CCAT2: variants seen among roughly 807,000 people sequenced by gnomAD.
The protein encoded by CCAT2 is colon cancer associated transcript 2.
chr8:127,401,528 T>C (rs747466826), exon 1 of CCAT2: 9 of 152,248 alleles, frequency 5.9e-5, no homozygotes, highest in East Asian at 1.9e-4. Context: ...CAGGCTGTAA[T>C]ACCAGTTTGG....
chr8:127,400,789 C>T (rs1404164151), exon 1 of CCAT2: 1 of 152,252 alleles, frequency 6.6e-6, no homozygotes, highest in South Asian at 2.1e-4. Context: ...GCTCTTATTG[C>T]ATGATTCCAC....
At chr8:127,402,109 T>C (rs1272337814) in exon 1 of CCAT2, 1 of 152,212 alleles carries the variant, frequency 6.6e-6, no homozygotes, top group Non-Finnish European at 1.5e-5. Flanking sequence ...TCCCCTGTTC[T>C]ACTCTGGGAA....
At chr8:127,401,091 G>A (rs528595667) in exon 1 of CCAT2, 9 of 152,210 alleles carry the variant, frequency 5.9e-5, no homozygotes, top group African/African-American at 2.2e-4. Flanking sequence ...ATTTTTATGT[G>A]CTATTGACTT....
chr8:127,401,718 A>G (rs1259837386), exon 1 of CCAT2: 1 of 152,242 alleles, frequency 6.6e-6, no homozygotes, highest in Non-Finnish European at 1.5e-5. Context: ...CTATTAGACT[A>G]AAGAGCCATA....
chr8:127,401,224 C>T (rs1814935072), exon 1 of CCAT2: 1 of 152,204 alleles, frequency 6.6e-6, no homozygotes, highest in African/African-American at 2.4e-5. Context: ...TGTATACAGA[C>T]AGTGCCAGCC....
At chr8:127,401,754 A>G (rs1450095713) in exon 1 of CCAT2, 3 of 152,152 alleles carry the variant, frequency 2.0e-5, no homozygotes, top group Non-Finnish European at 4.4e-5. Context: ...AACATCCATC[A>G]CCAACATTTA....
At chr8:127,400,951 C>G (rs1007475550) in exon 1 of CCAT2, 3 of 152,252 alleles carry the variant, frequency 2.0e-5, no homozygotes, top group African/African-American at 7.2e-5. Context: ...CTCTTCCTAT[C>G]TCAGCTCCCT....
chr8:127,401,388 A>G (rs1319556770), exon 1 of CCAT2: 1 of 152,190 alleles, frequency 6.6e-6, no homozygotes, highest in African/African-American at 2.4e-5. Flanking sequence ...AATAGTTAAT[A>G]AGGGAAGGGT....
exon 1 of CCAT2, chr8:127,400,684 T>A (rs928899842): frequency 1.3e-5 from 2 of 152,194 alleles, no homozygotes; most frequent in African/African-American, 4.8e-5. Context: ...AACTACCTAT[T>A]TGAATTTGGA....
exon 1 of CCAT2, chr8:127,400,902 C>T (rs10808556): frequency 0.51 from 77,857 of 152,086 alleles, 21,523 homozygotes; most frequent in East Asian, 0.64. Context: ...TCCAGCTCCA[C>T]CTCTGACCAA....
exon 1 of CCAT2, chr8:127,401,061 C>A (rs1227571764): frequency 6.6e-6 from 1 of 152,216 alleles, no homozygotes; most frequent in Non-Finnish European, 1.5e-5. Context: ...AGATGAAAGG[C>A]ACTGAGAAAA....
exon 1 of CCAT2, chr8:127,401,025 T>C (rs887971512): frequency 6.6e-6 from 1 of 152,246 alleles, no homozygotes; most frequent in Non-Finnish European, 1.5e-5. Flanking sequence ...CCAGAGTTAA[T>C]ACCCTCATCG....
exon 1 of CCAT2, chr8:127,401,521 G>A (rs1021541520): frequency 1.3e-5 from 2 of 152,194 alleles, no homozygotes; most frequent in African/African-American, 4.8e-5. Context: ...TTCCCAGCAG[G>A]CTGTAATACC....
Position 127,401,737 on chromosome 8 carries a change from T to G in CCAT2, n.1339T>G, listed in dbSNP as rs548698438. 4 of 152,378 alleles carry G rather than the reference T, an allele frequency of 2.6e-5. No homozygotes were observed. The South Asian group carries it at 8.3e-4, about 32-fold the overall frequency. The allele number at this position is 152,378 out of a possible 1,614,324, so 9.4% of individuals were successfully genotyped here. Reference sequence around the variant, plus strand: ...TAGACTAAAGAGCCATAATCATCCCTGAGGAAAACATCCATCACCAACATT... The same window carrying G: ...TAGACTAAAGAGCCATAATCATCCCGGAGGAAAACATCCATCACCAACATT... On this transcript the variant is annotated non_coding_transcript_exon_variant, in exon 1 of 1. Transcript: ENST00000630920.
At chr8:127,401,111 T>C (rs548390369) in exon 1 of CCAT2, 1 of 152,316 alleles carries the variant, frequency 6.6e-6, no homozygotes, top group South Asian at 2.1e-4. Context: ...TTATTTTATT[T>C]TATGTGGGGG....
chr8:127,401,646 A>T (rs1020833313), exon 1 of CCAT2: 5 of 152,250 alleles, frequency 3.3e-5, no homozygotes, highest in Admixed American at 1.3e-4. Flanking sequence ...GTCAGCTTTT[A>T]AAGCTACCAG....
At chr8:127,401,073 T>G (rs1282900274) in exon 1 of CCAT2, 1 of 152,214 alleles carries the variant, frequency 6.6e-6, no homozygotes, top group African/African-American at 2.4e-5. Context: ...CTGAGAAAAG[T>G]ACAAAGAATT....
exon 1 of CCAT2, chr8:127,401,903 A>G (rs945282614): frequency 6.6e-6 from 1 of 152,238 alleles, no homozygotes; most frequent in African/African-American, 2.4e-5. Context: ...TGCCTAGTCT[A>G]GCATCTCAAT....
chr8:127,401,085 T>G (rs1241258020), exon 1 of CCAT2: 2 of 152,216 alleles, frequency 1.3e-5, no homozygotes, highest in Admixed American at 1.3e-4. Context: ...CAAAGAATTT[T>G]TATGTGCTAT....
Sources: gnomAD v4.1 joint callset for allele counts on GRCh38, gnomAD v4.1.1 for gene constraint, MANE v1.5 for transcripts, NCBI Gene and HGNC (gene_info 2026-07-23, HGNC 2026-07-21) for gene names.